Variants in MCTP2 observed in about 807,000 individuals in gnomAD.
The protein encoded by MCTP2 is multiple C2 and transmembrane domain-containing protein 2.
Under a neutral mutation model 111.6 loss-of-function variants are expected in MCTP2, and 132 were observed. The ratio of observed to expected loss-of-function variants is 1.18; its 90% CI spans 1.03 to 1.37. MCTP2 has a LOEUF of 1.37. Among genes scored for constraint, MCTP2 ranks in the 40% most tolerant of loss-of-function variants. The pLI is 0.00. For missense variants in MCTP2, 1,183 were observed against 1,067.9 expected, an observed-to-expected ratio of 1.11 and a Z score of -1.50; for synonymous variants, 395 against 387.7, an observed-to-expected ratio of 1.02 and a Z score of -0.22.
intron 12 of MCTP2, among the ~76,000 whole-genome samples, chr15:94,376,039 G>A (rs17548963): frequency 0.063 from 9,582 of 152,216 alleles, 502 homozygotes; most frequent in South Asian, 0.1. Flanking sequence ...TGATCCCTAA[G>A]AGAAGGCTCA....
intron 1 of MCTP2, among the ~76,000 whole-genome samples, chr15:94,241,282 G>A (rs1244703337): frequency 6.6e-6 from 1 of 152,182 alleles, no homozygotes; most frequent in African/African-American, 2.4e-5. Flanking sequence ...AGCCTCATCT[G>A]CTTTTGAGAA....
At chr15:94,397,025 C>T (rs954788288) in intron 14 of MCTP2, among the ~76,000 whole-genome samples, 1 of 152,116 alleles carries the variant, frequency 6.6e-6, no homozygotes, top group Non-Finnish European at 1.5e-5. Context: ...TGCCAAATTC[C>T]TGTCTAATTT....
intron 20 of MCTP2, among the ~76,000 whole-genome samples, chr15:94,462,788 G>T (rs1312670889): frequency 7.2e-5 from 11 of 152,128 alleles, no homozygotes; most frequent in Non-Finnish European, 5.9e-5. Flanking sequence ...CTCATCTGTA[G>T]GATGGGAATA....
chr15:94,345,182 T>C lies in MCTP2; in HGVS notation c.1005+18T>C, dbSNP rs1327089034. On this transcript the variant is annotated intron_variant, in intron 8 of 22. Transcript: ENST00000357742. ...CCAGCAAGGTAAATATACTTTTTTT[T>C]CCTTTAGATCATTTGGTTAAAAACT... 3 of 1,607,042 alleles carry C rather than the reference T, an allele frequency of 1.9e-6. No homozygotes were observed. The highest frequency in any genetic ancestry group is 1.7e-5 in the Admixed American group (1 of 59,700).
chr15:94,470,247 T>C, intron 20 of MCTP2, 86 bp from the exon 21 acceptor site: 1 of 1,048,126 alleles, frequency 9.5e-7, no homozygotes, highest in Admixed American at 2.1e-5. Context: ...TTTCTATAAT[T>C]ATGAACATGA....
At chr15:94,255,395 A>G (rs2072700569) in intron 1 of MCTP2, among the ~76,000 whole-genome samples, 4 of 152,222 alleles carry the variant, frequency 2.6e-5, no homozygotes, top group African/African-American at 4.8e-5. Flanking sequence ...TATTCTGTGT[A>G]AATGAGATCT....
At chr15:94,443,996 A>AG (rs959328025) in intron 19 of MCTP2, among the ~76,000 whole-genome samples, 2 of 149,804 alleles carry the variant, frequency 1.3e-5, no homozygotes, top group Admixed American at 6.6e-5. Flanking sequence ...AAAAAAAAAA[A>AG]AAAAAAAAAA....
chr15:94,263,464 C>T (rs2073319035), intron 1 of MCTP2, among the ~76,000 whole-genome samples: 1 of 152,166 alleles, frequency 6.6e-6, no homozygotes, highest in Non-Finnish European at 1.5e-5. Context: ...TGTCATTTAA[C>T]ACGTATTGTT....
In MCTP2 at chr15:94,468,300, A is replaced by G. The variant is rs563758209; in HGVS notation, c.2361-2033A>G. Reference sequence around the variant, plus strand: ...TTCTAGCAGAATCTGTGATATAGGTATTATTATTATTCCAGTTTTACAGAC... The same window carrying G: ...TTCTAGCAGAATCTGTGATATAGGTGTTATTATTATTCCAGTTTTACAGAC... On this transcript the variant is annotated intron_variant, in intron 20 of 22. Transcript: ENST00000357742. Among the ~76,000 whole-genome samples, 21 of 151,962 alleles carry G rather than the reference A, an allele frequency of 1.4e-4. No individual in the cohort carries two copies. The East Asian group carries it at 4.1e-3, about 29-fold the overall frequency.
intron 20 of MCTP2, among the ~76,000 whole-genome samples, chr15:94,460,222 G>A (rs575297520): frequency 2.6e-5 from 4 of 152,266 alleles, no homozygotes; most frequent in African/African-American, 7.2e-5. Context: ...AAGACAGACC[G>A]CAGGCAATTC....
chr15:94,244,159 T>G lies in MCTP2; in HGVS notation c.-66+12495T>G, dbSNP rs558675432. On this transcript the variant is annotated intron_variant, in intron 1 of 22. Coordinates refer to ENST00000357742, the MANE Select transcript of MCTP2 (RefSeq NM_001385001.1). ...ACATGCATATGTGTATATGTTTATA[T>G]ACACGTGTATACACATACGTATGTG... 4.5e-3 allele frequency among the ~76,000 whole-genome samples: 652 copies of G among 146,142 alleles called. 10 individuals carry two copies. The highest frequency in any genetic ancestry group is 0.016 in the African/African-American group (616 of 38,662).
chr15:94,409,734 C>T, intron 17 of MCTP2, among the ~76,000 whole-genome samples: 1 of 151,962 alleles, frequency 6.6e-6, no homozygotes, highest in Non-Finnish European at 1.5e-5. Flanking sequence ...CCCTCTTCTC[C>T]ATCCCCTTCC....
chr15:94,442,382 T>G (rs1416212977), intron 18 of MCTP2, among the ~76,000 whole-genome samples: 1 of 152,194 alleles, frequency 6.6e-6, no homozygotes, highest in East Asian at 1.9e-4. Flanking sequence ...AGCCTTGAGT[T>G]TCCTTCCCTC....
chr15:94,446,979 A>G (rs1430097015), intron 19 of MCTP2, among the ~76,000 whole-genome samples: 1 of 152,252 alleles, frequency 6.6e-6, no homozygotes, highest in Admixed American at 6.5e-5. Flanking sequence ...AGCATATTAT[A>G]ATGGAAGGAT....
chr15:94,319,074 T>A (rs549348812), intron 4 of MCTP2, among the ~76,000 whole-genome samples: 13 of 152,234 alleles, frequency 8.5e-5, no homozygotes, highest in African/African-American at 3.1e-4. Context: ...GATGCTTTAT[T>A]GTTATCTGTT....
At chr15:94,260,851 C>T (rs767846054) in intron 1 of MCTP2, among the ~76,000 whole-genome samples, 2 of 152,040 alleles carry the variant, frequency 1.3e-5, no homozygotes, top group African/African-American at 4.8e-5. Flanking sequence ...GCCAGGCATG[C>T]CTCATTATAC....
chr15:94,244,516 A>G (rs1255961300), intron 1 of MCTP2, among the ~76,000 whole-genome samples: 4 of 146,248 alleles, frequency 2.7e-5, no homozygotes, highest in Admixed American at 6.7e-5. Context: ...ATATGCACCT[A>G]TATTTATATT....
At chr15:94,371,201 C>T (rs2079466952) in intron 12 of MCTP2, among the ~76,000 whole-genome samples, 1 of 151,934 alleles carries the variant, frequency 6.6e-6, no homozygotes, top group Non-Finnish European at 1.5e-5. Flanking sequence ...ATGATCCTGA[C>T]TAGTGAGAAG....
At chr15:94,246,433 A>G (rs568923280) in intron 1 of MCTP2, among the ~76,000 whole-genome samples, 1 of 152,288 alleles carries the variant, frequency 6.6e-6, no homozygotes, top group African/African-American at 2.4e-5. Context: ...TTAGTACCTG[A>G]TACCTGAAGC....
Sources: gnomAD v4.1 joint callset for allele counts (sites outside exome capture counted in the v4.1 genomes callset) on GRCh38, gnomAD v4.1.1 for gene constraint, MANE v1.5 for transcripts, NCBI Gene and HGNC (gene_info 2026-07-23, HGNC 2026-07-21) for gene names.